The following CADM2 variants were observed in gnomAD, a reference collection of about 807,000 sequenced individuals.
The protein encoded by CADM2 is immunoglobulin superfamily member 4D.
In CADM2, 12 loss-of-function variants were observed where a neutral mutation model predicts 49.8. The observed-to-expected ratio is 0.24, with a 90% CI of 0.15 to 0.39. The LOEUF (loss-of-function observed/expected upper bound fraction) is 0.39. CADM2 is among the 10% of genes least tolerant of loss of function. The probability of loss-of-function intolerance (pLI) is 1.00; values close to 1 mark genes in which losing one functional copy is unlikely to be tolerated. For missense variants in CADM2, 378 were observed against 492.3 expected, an observed-to-expected ratio of 0.77 and a Z score of 2.20; for synonymous variants, 214 against 175.4, an observed-to-expected ratio of 1.22 and a Z score of -1.74.
At chr3:85,580,473 C>T (rs1199218983) in intron 1 of CADM2, among the ~76,000 whole-genome samples, 1 of 152,052 alleles carries the variant, frequency 6.6e-6, no homozygotes, top group Admixed American at 6.6e-5. Context: ...TTAGAACTAA[C>T]CCAACGGTAT....
intron 1 of CADM2, among the ~76,000 whole-genome samples, chr3:85,400,320 G>A (rs144096215): frequency 1.7e-3 from 265 of 152,258 alleles, no homozygotes; most frequent in African/African-American, 5.9e-3. Context: ...TGGTGGATAA[G>A]CTCTTTAATG....
At chr3:85,461,344 G>A (rs2038235347) in intron 1 of CADM2, among the ~76,000 whole-genome samples, 1 of 152,110 alleles carries the variant, frequency 6.6e-6, no homozygotes, top group Non-Finnish European at 1.5e-5. Flanking sequence ...ATGATATTAG[G>A]AGGAGAGGTA....
chr3:85,970,756 T>G (rs1340107629), intron 8 of CADM2, among the ~76,000 whole-genome samples: 3 of 151,570 alleles, frequency 2.0e-5, no homozygotes, highest in African/African-American at 7.3e-5. Context: ...GCAGCACAGT[T>G]TAGTTAATCC....
At chr3:85,896,573 G>A (rs1364361812) in intron 5 of CADM2, among the ~76,000 whole-genome samples, 1 of 152,104 alleles carries the variant, frequency 6.6e-6, no homozygotes, top group Non-Finnish European at 1.5e-5. Context: ...ACTCTGTAGT[G>A]GGTCACTGAA....
intron 1 of CADM2, among the ~76,000 whole-genome samples, chr3:85,520,212 G>A (rs2106892185): frequency 6.6e-6 from 1 of 151,846 alleles, no homozygotes; most frequent in South Asian, 2.1e-4. Context: ...ATTTACATAT[G>A]TAATTCACAA....
intron 1 of CADM2, among the ~76,000 whole-genome samples, chr3:85,211,300 G>C (rs978116747): frequency 6.6e-6 from 1 of 151,448 alleles, no homozygotes; most frequent in Non-Finnish European, 1.5e-5. Context: ...ATTTATTACT[G>C]CTCTGATCTA....
chr3:85,415,391 T>C (rs534976563), intron 1 of CADM2, among the ~76,000 whole-genome samples: 1 of 142,622 alleles, frequency 7.0e-6, no homozygotes, highest in Non-Finnish European at 1.5e-5. Flanking sequence ...GTGATTCTGA[T>C]GAAAGTACGA....
rs1457154631 is a variant in CADM2, at chr3:85,055,827, G to T, written c.61+96159G>T. ...CATTACCTGGAAACTTGTTAAAAAT[G>T]TAGTATCTCAGGCCCTATCCCAGAG... On this transcript the variant is annotated intron_variant, in intron 1 of 9. Transcript: ENST00000383699. 4.6e-5 allele frequency among the ~76,000 whole-genome samples: 7 copies of T among 152,060 alleles called. No individual in the cohort carries two copies. The East Asian group carries it at 1.3e-3, about 29-fold the overall frequency.
At chr3:86,056,818 T>C (rs1055920406) in intron 8 of CADM2, among the ~76,000 whole-genome samples, 5 of 152,204 alleles carry the variant, frequency 3.3e-5, no homozygotes, top group African/African-American at 1.2e-4. Flanking sequence ...AGGAAACTTA[T>C]GTACTCTTAC....
At chr3:85,943,527 G>A (rs896812451) in intron 7 of CADM2, among the ~76,000 whole-genome samples, 1 of 151,154 alleles carries the variant, frequency 6.6e-6, no homozygotes, top group Non-Finnish European at 1.5e-5. Context: ...GTGTAAGGAA[G>A]GGATCCAGTT....
At chr3:85,117,667 G>A (rs575602647) in intron 1 of CADM2, among the ~76,000 whole-genome samples, 1 of 152,156 alleles carries the variant, frequency 6.6e-6, no homozygotes, top group African/African-American at 2.4e-5. Flanking sequence ...CTGTTTACAG[G>A]GTGTTATAGG....
intron 1 of CADM2, among the ~76,000 whole-genome samples, chr3:85,050,887 T>A (rs1203087314): frequency 6.6e-6 from 1 of 152,210 alleles, no homozygotes; most frequent in African/African-American, 2.4e-5. Context: ...ATTCTTCAAG[T>A]TACATATTCT....
intron 1 of CADM2, among the ~76,000 whole-genome samples, chr3:85,420,574 AT>A (rs1164894681): frequency 6.6e-6 from 1 of 151,962 alleles, no homozygotes; most frequent in Non-Finnish European, 1.5e-5. Context: ...ATCAGGGCAT[AT>A]TTTTTTTCTT....
chr3:85,216,337 T>C (rs1298298114), intron 1 of CADM2, among the ~76,000 whole-genome samples: 7 of 147,556 alleles, frequency 4.7e-5, no homozygotes, highest in Non-Finnish European at 4.5e-5. Context: ...ATTTAATGTA[T>C]AAATATATTA....
At chr3:85,839,905 G>T (rs564368415) in intron 3 of CADM2, among the ~76,000 whole-genome samples, 1 of 151,916 alleles carries the variant, frequency 6.6e-6, no homozygotes, top group South Asian at 2.1e-4. Flanking sequence ...GGTAATAAAA[G>T]AGGAACAATA....
chr3:85,923,234 G>C (rs1458677587), intron 6 of CADM2, among the ~76,000 whole-genome samples: 1 of 152,112 alleles, frequency 6.6e-6, no homozygotes, highest in East Asian at 1.9e-4. Flanking sequence ...AAAGGTAAAA[G>C]AACATTGTCA....
intron 2 of CADM2, among the ~76,000 whole-genome samples, chr3:85,766,268 T>C (rs1174063522): frequency 1.3e-5 from 2 of 152,122 alleles, no homozygotes; most frequent in East Asian, 3.9e-4. Flanking sequence ...ATATGTGCTC[T>C]AGGTAAGATA....
At chr3:85,127,488 G>A (rs756709617) in intron 1 of CADM2, among the ~76,000 whole-genome samples, 48 of 152,180 alleles carry the variant, frequency 3.2e-4, no homozygotes, top group Non-Finnish European at 5.3e-4. Context: ...GGCTTTGCCC[G>A]TTTCTGACAG....
intron 8 of CADM2, among the ~76,000 whole-genome samples, chr3:86,017,175 T>TGTGTGC (rs200767951): frequency 1.8e-5 from 2 of 112,410 alleles, no homozygotes; most frequent in African/African-American, 6.3e-5. Context: ...TGTGTATATA[T>TGTGTGC]ATATATATAT....
Sources: allele counts gnomAD v4.1 joint callset (sites outside exome capture counted in the v4.1 genomes callset), GRCh38; gene constraint gnomAD v4.1.1; transcripts MANE v1.5; gene names NCBI Gene and HGNC (gene_info 2026-07-23, HGNC 2026-07-21).